Variants in NUP153 observed in about 807,000 individuals in gnomAD.
NUP153 encodes nuclear pore complex protein Nup153.
A neutral mutation model predicts 134.6 loss-of-function variants in NUP153; 27 were observed. The observed-to-expected ratio is 0.20, with a 90% CI of 0.15 to 0.28. The LOEUF (loss-of-function observed/expected upper bound fraction) is 0.28. NUP153 is among the 10% of genes least tolerant of loss of function. The pLI is 1.00. For missense variants in NUP153, 1,821 were observed against 1,731.3 expected, an observed-to-expected ratio of 1.05 and a Z score of -0.92; for synonymous variants, 640 against 623.5, an observed-to-expected ratio of 1.03 and a Z score of -0.40.
intron 17 of NUP153, among the ~76,000 whole-genome samples, chr6:17,631,732 C>T (rs962409337): frequency 7.9e-5 from 12 of 151,656 alleles, no homozygotes; most frequent in Middle Eastern, 3.4e-3. Flanking sequence ...TTTGGGAGGC[C>T]GAGGCGGGTG....
chr6:17,652,705 T>A (rs2113803973), intron 11 of NUP153, among the ~76,000 whole-genome samples: 1 of 152,186 alleles, frequency 6.6e-6, no homozygotes, highest in East Asian at 1.9e-4. Context: ...GTCCAAAATT[T>A]ATAAAGACCT....
At chr6:17,651,604 C>T (rs554348164) in intron 11 of NUP153, among the ~76,000 whole-genome samples, 1 of 152,102 alleles carries the variant, frequency 6.6e-6, no homozygotes, top group East Asian at 1.9e-4. Flanking sequence ...AAAAGATATG[C>T]CCTGAAACTA....
intron 1 of NUP153, among the ~76,000 whole-genome samples, chr6:17,692,984 A>G (rs1769375145): frequency 6.6e-6 from 1 of 152,152 alleles, no homozygotes; most frequent in African/African-American, 2.4e-5. Context: ...ATTATAATGA[A>G]AATATTCTAA....
intron 14 of NUP153, among the ~76,000 whole-genome samples, chr6:17,640,504 A>G (rs1765782399): frequency 1.3e-5 from 2 of 152,276 alleles, no homozygotes; most frequent in Admixed American, 1.3e-4. Flanking sequence ...ATAATTGAAA[A>G]TATCCTTCAG....
At position 17,637,512 on chromosome 6, in the gene NUP153, T is replaced by A. The variant is rs535615724; in HGVS notation, c.2105A>T (p.Lys702Ile). 6.2e-7 allele frequency: 1 copy of A among 1,614,232 alleles called. No individual in the cohort carries two copies. The highest frequency in any genetic ancestry group is 2.2e-5 in the East Asian group (1 of 44,894). Residue 702 changes from lysine (K) to isoleucine (I), a missense_variant, in exon 16 of 22, where the codon AAA becomes ATA. By Grantham distance (102) the Lys-to-Ile change is moderately radical. Coordinates refer to ENST00000262077, the MANE Select transcript of NUP153 (RefSeq NM_005124.4). ...TGCAGAAAGAGTTGTTTTGCCACTT[T>A]TATTTGGTGTTTCAATTCCAGTCTG... ...AKQTGIETPN[K>I]SGKTTLSASG...
intron 16 of NUP153, among the ~76,000 whole-genome samples, chr6:17,634,818 C>T (rs920777494): frequency 6.6e-6 from 1 of 152,050 alleles, no homozygotes; most frequent in Admixed American, 6.6e-5. Context: ...TTATTCAGTT[C>T]GATCAGTACA....
rs1368474961 is a variant in NUP153 at position 17,615,257 on chromosome 6, C to T, written c.*840G>A. 6.6e-6 allele frequency: 1 copy of T among 152,286 alleles called. No homozygotes were observed. The highest frequency in any genetic ancestry group is 1.5e-5 in the Non-Finnish European group (1 of 67,970). The allele number at this position is 152,286 out of a possible 1,614,324, so 9.4% of individuals were successfully genotyped here. On this transcript the variant is annotated 3_prime_UTR_variant, in exon 22 of 22. Transcript: ENST00000262077. This position sits in a 1 kb window ranked among gnomAD's most constrained non-coding sequence, Gnocchi z 5.7. Reference sequence around the variant, plus strand: ...GCCAATAAATTCAACTTTAAGAATCCCCAATTTTTTTTTTAAAGATTTCCA... The same window carrying T: ...GCCAATAAATTCAACTTTAAGAATCTCCAATTTTTTTTTTAAAGATTTCCA...
At chr6:17,690,857 T>A (rs919327585) in intron 1 of NUP153, among the ~76,000 whole-genome samples, 1 of 152,078 alleles carries the variant, frequency 6.6e-6, no homozygotes, top group African/African-American at 2.4e-5. Flanking sequence ...TGTGAAAAGG[T>A]AGCCGGGCGT....
chr6:17,647,049 G>A (rs1482145173), intron 13 of NUP153, among the ~76,000 whole-genome samples: 1 of 151,482 alleles, frequency 6.6e-6, no homozygotes, highest in Admixed American at 6.6e-5. Context: ...GAGCCACCGT[G>A]CCCGGCCTCA....
intron 5 of NUP153, among the ~76,000 whole-genome samples, chr6:17,671,649 G>A (rs563228481): frequency 1.3e-5 from 2 of 152,218 alleles, no homozygotes; most frequent in African/African-American, 4.8e-5. Context: ...CATGTTCATG[G>A]TTTGGAAGAC....
At chr6:17,617,767 C>T (rs1764413147) in intron 20 of NUP153, among the ~76,000 whole-genome samples, 1 of 152,010 alleles carries the variant, frequency 6.6e-6, no homozygotes. Context: ...ATCTTCTGAG[C>T]CTAGGAGGTC....
chr6:17,657,247 A>C (rs1766872971), intron 11 of NUP153, among the ~76,000 whole-genome samples: 1 of 152,006 alleles, frequency 6.6e-6, no homozygotes, highest in Non-Finnish European at 1.5e-5. Flanking sequence ...CGGTATACTA[A>C]AAATTATTTT....
chr6:17,650,321 A>T (rs76429953), intron 11 of NUP153, among the ~76,000 whole-genome samples: 15,710 of 152,200 alleles, frequency 0.1, 1,086 homozygotes, highest in South Asian at 0.18. Flanking sequence ...TTAACTGAAC[A>T]ATCAGCCAGA....
At chr6:17,646,017 C>T (rs1766152714) in intron 14 of NUP153, 50 bp downstream of exon 14, 1 of 739,582 alleles carries the variant, frequency 1.4e-6, no homozygotes, top group Non-Finnish European at 2.3e-6. Context: ...AAATACTAAT[C>T]TACTGTATGC....
chr6:17,698,477 GC>G (rs1190958733), intron 1 of NUP153, among the ~76,000 whole-genome samples: 7 of 152,060 alleles, frequency 4.6e-5, no homozygotes, highest in Non-Finnish European at 7.4e-5. Flanking sequence ...GGTGGCTCAC[GC>G]CTGTAACCCC....
At chr6:17,692,151 AAAC>A (rs1212163460) in intron 1 of NUP153, among the ~76,000 whole-genome samples, 1 of 152,326 alleles carries the variant, frequency 6.6e-6, no homozygotes, top group Non-Finnish European at 1.5e-5. Flanking sequence ...GTATCTTCAA[AAAC>A]AACTGGAAAA....
At chr6:17,686,449 G>A (rs935534095) in intron 2 of NUP153, among the ~76,000 whole-genome samples, 2 of 151,014 alleles carry the variant, frequency 1.3e-5, no homozygotes, top group Non-Finnish European at 2.9e-5. Context: ...AGGCTGGAGT[G>A]CAGTGGTGCG....
At chr6:17,667,106 A>G (rs1172495786) in intron 8 of NUP153, among the ~76,000 whole-genome samples, 2 of 152,338 alleles carry the variant, frequency 1.3e-5, no homozygotes, top group East Asian at 3.9e-4. Flanking sequence ...ACATTATGAC[A>G]TAATTTTAAA....
chr6:17,668,239 C>CATTA (rs1390727516), intron 8 of NUP153, among the ~76,000 whole-genome samples: 1 of 151,252 alleles, frequency 6.6e-6, no homozygotes, highest in Non-Finnish European at 1.5e-5. Flanking sequence ...CCACACCTGG[C>CATTA]TAATTTTTTT....
Sources: allele counts gnomAD v4.1 joint callset (sites outside exome capture counted in the v4.1 genomes callset), GRCh38; gene constraint gnomAD v4.1.1; non-coding constraint Gnocchi (gnomAD v3.1); transcripts MANE v1.5; gene names NCBI Gene and HGNC (gene_info 2026-07-23, HGNC 2026-07-21).